The following CHAT variants were observed in gnomAD, a reference collection of about 807,000 sequenced individuals.
CHAT encodes the protein choline O-acetyltransferase.
In CHAT, 61 loss-of-function variants were observed where a neutral mutation model predicts 76.9. The ratio of observed to expected loss-of-function variants is 0.79; its 90% confidence interval spans 0.65 to 0.98. The LOEUF is 0.98. Ranked by LOEUF, CHAT falls within the 50% of genes least tolerant of loss-of-function variation. The pLI is 0.00. For synonymous variants in CHAT, 407 were observed against 397.4 expected (o/e 1.02, Z -0.29); for missense variants, 946 against 986.9 (o/e 0.96, Z 0.56).
chr10:49,652,619 T>C (rs575945174), intron 11 of CHAT, among the ~76,000 whole-genome samples: 18 of 152,230 alleles, frequency 1.2e-4, no homozygotes, highest in African/African-American at 4.3e-4. Context: ...GTGTTGCCCC[T>C]GGTAATCCTG....
chr10:49,646,911 C>T (rs542448529), intron 8 of CHAT, among the ~76,000 whole-genome samples: 23 of 152,180 alleles, frequency 1.5e-4, no homozygotes, highest in Non-Finnish European at 2.6e-4. Context: ...GAGCCAGTGG[C>T]CGAACCCAAC....
intron 13 of CHAT, among the ~76,000 whole-genome samples, chr10:49,660,454 AAAG>A (rs1382072810): frequency 6.6e-6 from 1 of 152,130 alleles, no homozygotes; most frequent in East Asian, 1.9e-4. Flanking sequence ...AAAAAAAAAA[AAAG>A]AGCTGAAATT....
chr10:49,622,492 G>C (rs1309948824), intron 5 of CHAT, among the ~76,000 whole-genome samples: 1 of 152,238 alleles, frequency 6.6e-6, no homozygotes, highest in African/African-American at 2.4e-5. Context: ...AAGGTGATGG[G>C]AGTTCTGCTT....
chr10:49,615,896 C>G, intron 1 of CHAT: 1 of 725,108 alleles, frequency 1.4e-6, no homozygotes, highest in Non-Finnish European at 2.3e-6. Context: ...ACGCCTCCAG[C>G]AGGCCCAGAG....
At chr10:49,620,186 A>G (rs1238740622) in intron 3 of CHAT, among the ~76,000 whole-genome samples, 1 of 152,098 alleles carries the variant, frequency 6.6e-6, no homozygotes, top group Non-Finnish European at 1.5e-5. Context: ...AGATGAGGAC[A>G]GAGATCGCAT....
At chr10:49,611,697 G>A (rs753935510), upstream of CHAT, 48 of 1,609,396 alleles carry the variant, frequency 3.0e-5, 1 homozygote, top group South Asian at 5.1e-4. Flanking sequence ...TGAAGCATAC[G>A]ATGGCGGCTT....
chr10:49,614,605 G>A (rs1838414300), intron 1 of CHAT, 130 bp downstream of exon 1: 2 of 823,638 alleles, frequency 2.4e-6, no homozygotes, highest in Admixed American at 2.8e-5. Flanking sequence ...TGAGTCCTGC[G>A]CAGCAGCGGC....
intron 6 of CHAT, among the ~76,000 whole-genome samples, chr10:49,626,742 G>A (rs112719616): frequency 2.0e-4 from 30 of 152,236 alleles, no homozygotes; most frequent in African/African-American, 6.3e-4. Context: ...TGGAGGGGAA[G>A]GGAAAACAAG....
At chr10:49,636,529 T>C (rs555813952) in intron 7 of CHAT, among the ~76,000 whole-genome samples, 2 of 152,360 alleles carry the variant, frequency 1.3e-5, no homozygotes, top group African/African-American at 4.8e-5. Context: ...GATACCTGTT[T>C]CGTAAAATAA....
upstream of CHAT, chr10:49,612,154 G>T (rs778197467): frequency 6.2e-7 from 1 of 1,611,340 alleles, no homozygotes; most frequent in East Asian, 2.2e-5. Flanking sequence ...GCTCCGCAAC[G>T]TGGGCCTCCT....
upstream of CHAT, among the ~76,000 whole-genome samples, chr10:49,609,976 AGAG>A (rs1345923231): frequency 6.6e-5 from 10 of 151,488 alleles, no homozygotes; most frequent in East Asian, 2.0e-3. Flanking sequence ...CCCTTCCCCA[AGAG>A]GAGAAGAGCG....
chr10:49,640,464 A>G (rs1376049008), intron 7 of CHAT, among the ~76,000 whole-genome samples: 2 of 151,426 alleles, frequency 1.3e-5, no homozygotes, highest in Non-Finnish European at 2.9e-5. Flanking sequence ...GTCTCTGTTG[A>G]CACCCTGGGG....
chr10:49,655,147 C>T lies in CHAT; in HGVS notation c.1687C>T (p.Gln563Ter). Residue 563 changes from glutamine (Q) to a stop codon, truncating the protein, a stop_gained, in exon 12 of 15, where the codon CAG becomes TAG. Coordinates refer to ENST00000337653, the MANE Select transcript of CHAT (RefSeq NM_020549.5). LOFTEE classifies it high-confidence loss of function. ...TYESASIRRF[Q>*]EGRVDNIRSA... The stretch of plus-strand genomic sequence containing the variant: ...CGAGAGCGCGTCCATCCGCCGATTC[C>T]AGGAGGGACGCGTGGACAACATCAG... The T allele has an allele frequency of 1.2e-6, 2 of 1,614,072 alleles. No individual in the cohort carries two copies. The highest frequency in any genetic ancestry group is 1.7e-6 in the Non-Finnish European group (2 of 1,180,006).
At chr10:49,621,409 A>C (rs1407433898) in intron 4 of CHAT, among the ~76,000 whole-genome samples, 1 of 152,196 alleles carries the variant, frequency 6.6e-6, no homozygotes, top group African/African-American at 2.4e-5. Context: ...GACTTCTGAA[A>C]ACAGTTCTCA....
At chr10:49,611,185 A>G (rs1838284445), upstream of CHAT, 1 of 1,614,022 alleles carries the variant, frequency 6.2e-7, no homozygotes, top group African/African-American at 1.3e-5. Context: ...CATCGACCGC[A>G]TGAGCTACGA....
At position 49,615,292 on chromosome 10, in the gene CHAT, G is replaced by A. The variant is rs557252757; in HGVS notation, c.286+817G>A. Among the ~76,000 whole-genome samples, 8 of 152,316 alleles carry A rather than the reference G, an allele frequency of 5.3e-5. No individual in the cohort carries two copies. In the South Asian group the frequency reaches 1.5e-3, roughly 28 times the overall value. On this transcript the variant is annotated intron_variant, in intron 1 of 14. Coordinates refer to ENST00000337653, the MANE Select transcript of CHAT (RefSeq NM_020549.5). ...TGCTCCGGTGAATCCTCACCAGGAC[G>A]CCACCTCTTTCACTTTGCAGTTGGG...
chr10:49,612,580 AG>A (rs1838331144), upstream of CHAT: 1 of 519,958 alleles, frequency 1.9e-6, no homozygotes, highest in Non-Finnish European at 3.4e-6. Flanking sequence ...GGAGGTGAAG[AG>A]GACCCTGAGT....
upstream of CHAT, chr10:49,611,296 G>A: frequency 6.2e-7 from 1 of 1,608,712 alleles, no homozygotes; most frequent in Non-Finnish European, 8.5e-7. Context: ...CAGCCTGCAG[G>A]GCCTGGGCTC....
intron 8 of CHAT, 33 bp downstream of exon 8, chr10:49,646,707 G>A: frequency 6.2e-7 from 1 of 1,610,232 alleles, no homozygotes; most frequent in South Asian, 1.1e-5. Context: ...CAAGAGCACA[G>A]CCATGCCCCC....
Sources: gnomAD v4.1 joint callset for allele counts (sites outside exome capture counted in the v4.1 genomes callset) on GRCh38, gnomAD v4.1.1 for gene constraint, MANE v1.5 for transcripts, NCBI Gene and HGNC (gene_info 2026-07-23, HGNC 2026-07-21) for gene names.